Variants in FGD3 observed in about 807,000 individuals in gnomAD.
FGD3 encodes the protein FYVE, RhoGEF and PH domain-containing protein 3.
FGD3 carries 45 observed loss-of-function variants against 71.8 expected under a neutral mutation model. That is an observed-to-expected ratio of 0.63 (90% CI 0.49 to 0.80). FGD3 has a LOEUF of 0.80. Among genes scored for constraint, FGD3 ranks in the 30% least tolerant of loss-of-function variants. FGD3 has a pLI of 0.00. For missense variants in FGD3, 844 were observed against 951.5 expected, an observed-to-expected ratio of 0.89 and a Z score of 1.49; for synonymous variants, 378 against 392.8, an observed-to-expected ratio of 0.96 and a Z score of 0.44.
chr9:92,952,681 C>T (rs1341516749), intron 1 of FGD3, among the ~76,000 whole-genome samples: 2 of 151,902 alleles, frequency 1.3e-5, no homozygotes, highest in African/African-American at 4.8e-5. Flanking sequence ...TCTCTTCCTT[C>T]CTCACTCCCT....
rs1315912301 is a variant in FGD3 at position 92,976,722 on chromosome 9, T to C, written c.453+13T>C. 6.4e-7 allele frequency: 1 copy of C among 1,552,430 alleles called. No individual in the cohort carries two copies. Among genetic ancestry groups the C allele is most frequent in the African/African-American group, 1.4e-5 (1 of 73,192 alleles). On this transcript the variant is annotated intron_variant, in intron 3 of 17. Transcript: ENST00000375482. Reference sequence around the variant, plus strand: ...CGGCCTGGCCCAGGTAGGCTTCCCCTTCTCTGTCCCCGCTGCGGGCTGCAG... The same window carrying C: ...CGGCCTGGCCCAGGTAGGCTTCCCCCTCTCTGTCCCCGCTGCGGGCTGCAG...
At chr9:93,028,025 C>A (rs1327197172) in intron 14 of FGD3, among the ~76,000 whole-genome samples, 1 of 152,076 alleles carries the variant, frequency 6.6e-6, no homozygotes, top group Non-Finnish European at 1.5e-5. Flanking sequence ...GGGCCTCCTT[C>A]TCCTTAAACC....
intron 16 of FGD3, chr9:93,033,315 TCCCCGTCCCCTTCTCCTCCTC>T (rs1862436182): frequency 5.1e-6 from 1 of 196,930 alleles, no homozygotes; most frequent in Non-Finnish European, 9.5e-6. Flanking sequence ...CTCCTCCTCC[TCCCCGTCCCCTTCTCCTCCTC>T]CTCCCCGTCC....
At chr9:92,968,711 C>T (rs1859428609) in intron 1 of FGD3, among the ~76,000 whole-genome samples, 2 of 151,334 alleles carry the variant, frequency 1.3e-5, no homozygotes, top group African/African-American at 2.4e-5. Flanking sequence ...AAGCAATTCT[C>T]CTGTCTCAGC....
At chr9:93,018,895 G>T (rs1861806211) in intron 11 of FGD3, among the ~76,000 whole-genome samples, 1 of 152,026 alleles carries the variant, frequency 6.6e-6, no homozygotes. Context: ...TCCCAGGCTG[G>T]AGTGCAGTGG....
chr9:93,012,109 G>A (rs1278107391), intron 8 of FGD3, among the ~76,000 whole-genome samples: 7 of 148,498 alleles, frequency 4.7e-5, no homozygotes, highest in Admixed American at 2.0e-4. Context: ...AGCCGAGATC[G>A]CGCCACTGCA....
At chr9:93,015,444 A>G (rs893511459) in intron 9 of FGD3, among the ~76,000 whole-genome samples, 3 of 152,176 alleles carry the variant, frequency 2.0e-5, no homozygotes, top group Admixed American at 2.0e-4. Context: ...CAACGAGAGC[A>G]AGACTCCATC....
chr9:93,035,880 A>T lies in FGD3; in HGVS notation c.*291A>T, dbSNP rs1390723999. On this transcript the variant is annotated 3_prime_UTR_variant, in exon 18 of 18. Coordinates refer to ENST00000375482, the MANE Select transcript of FGD3 (RefSeq NM_001083536.2). ...CATCATCCATATGGGCCGTGTGGTG[A>T]TGCTGGCCCGGAAGGCAGAAAGAGG... 5 of 384,664 alleles carry T rather than the reference A, an allele frequency of 1.3e-5. No individual in the cohort carries two copies. Among genetic ancestry groups the T allele is most frequent in the Non-Finnish European group, 2.3e-5 (5 of 215,222 alleles). The allele number at this position is 384,664 out of a possible 1,614,324, so 23.8% of individuals were successfully genotyped here.
At position 92,969,948 on chromosome 9, in the gene FGD3, G is replaced by C. The variant is rs1859473728; in HGVS notation, c.-217-5290G>C. ...TCGTGCTACAAGGTGGCAGCCCTGAGTGTCTGGGACCTGTTCCCTGGCTGA... is the reference window on the plus strand; with the variant it reads ...TCGTGCTACAAGGTGGCAGCCCTGACTGTCTGGGACCTGTTCCCTGGCTGA... On this transcript the variant is annotated intron_variant, in intron 1 of 17. Coordinates refer to ENST00000375482, the MANE Select transcript of FGD3 (RefSeq NM_001083536.2). The surrounding 1 kb of genome is among the most constrained non-coding windows in gnomAD (Gnocchi z 4.5). Among the ~76,000 whole-genome samples the C allele has an allele frequency of 6.6e-6, 1 of 152,218 alleles. No homozygotes were observed. The highest frequency in any genetic ancestry group is 2.4e-5 in the African/African-American group (1 of 41,450).
At position 93,033,355 on chromosome 9, in the gene FGD3, TCTTCCTCTCCCTC is replaced by T. The variant is rs141368213; in HGVS notation, c.1785+497_1785+509del. The T allele has an allele frequency of 1.9e-3, 284 of 150,758 alleles. 2 individuals are homozygous for T. The highest frequency in any genetic ancestry group is 0.01 in the African/African-American group (250 of 24,758). The allele number at this position is 150,758 out of a possible 1,614,324, so 9.3% of individuals were successfully genotyped here. ...CCTCCTCCTCCCCGTCCCCTTCTCCTCTTCCTCTCCCTCCTTCCTCTCCCTCCGCCTCGCTGTC... is the reference window on the plus strand; with the variant it reads ...CCTCCTCCTCCCCGTCCCCTTCTCCTCTTCCTCTCCCTCCGCCTCGCTGTC... On this transcript the variant is annotated intron_variant, in intron 16 of 17. Coordinates refer to ENST00000375482, the MANE Select transcript of FGD3 (RefSeq NM_001083536.2).
chr9:93,013,732 T>C, intron 8 of FGD3, 120 bp from the exon 9 acceptor site: 1 of 1,257,690 alleles, frequency 8.0e-7, no homozygotes, highest in South Asian at 1.3e-5. Context: ...CCCACCCTTG[T>C]CAGTAGCTCA....
chr9:92,967,854 T>A (rs1467219130), intron 1 of FGD3, among the ~76,000 whole-genome samples: 1 of 152,240 alleles, frequency 6.6e-6, no homozygotes, highest in East Asian at 1.9e-4. Flanking sequence ...ATTACAGGCA[T>A]GAGCCACTGC....
In FGD3 at chr9:93,032,846, A is replaced by G; in HGVS notation, c.1758A>G (p.Thr586=). The G allele has an allele frequency of 2.5e-6, 4 of 1,614,028 alleles. No individual in the cohort carries two copies. Among genetic ancestry groups the G allele is most frequent in the Non-Finnish European group, 3.4e-6 (4 of 1,179,996 alleles). The change falls in exon 16 of 18, where the codon ACA becomes ACG. Residue 586 remains threonine, a synonymous_variant. Coordinates refer to ENST00000375482, the MANE Select transcript of FGD3 (RefSeq NM_001083536.2). ...GTGTCTGCAGAGATTGTTTCCTGAC[A>G]CAGCCAGTGGCCCCTGAGAGCACAG... ...QSRVCRDCFL[T]QPVAPESTEK...
chr9:93,004,191 G>A, intron 5 of FGD3, 54 bp downstream of exon 5: 1 of 1,600,312 alleles, frequency 6.2e-7, no homozygotes, highest in Non-Finnish European at 8.5e-7. Flanking sequence ...TCTAGACCAG[G>A]GTTCATGTGC....
chr9:93,001,291 GT>G lies in FGD3; in HGVS notation c.454-1631del, dbSNP rs1375164848. The stretch of plus-strand genomic sequence containing the variant: ...TTTCTCAAGCAGCTCATAGATCTGT[GT>G]TTCCTTAAGATCAGTTTTGAAGTTT... On this transcript the variant is annotated intron_variant, in intron 3 of 17. Coordinates refer to ENST00000375482, the MANE Select transcript of FGD3 (RefSeq NM_001083536.2). Among the ~76,000 whole-genome samples, 9 of 151,918 alleles carry G rather than the reference GT, an allele frequency of 5.9e-5. No homozygotes were observed. In the East Asian group the frequency reaches 1.7e-3, roughly 29 times the overall value.
rs147519762 is a variant in FGD3 at position 92,961,322 on chromosome 9, C to T, written c.-218+13593C>T. On this transcript the variant is annotated intron_variant, in intron 1 of 17. Coordinates refer to ENST00000375482, the MANE Select transcript of FGD3 (RefSeq NM_001083536.2). Reference sequence around the variant, plus strand: ...AGGCACAGGGCCTTCTCTGCAGAGCCTCTGACTCCACAAAGTTATTCAAGG... The same window carrying T: ...AGGCACAGGGCCTTCTCTGCAGAGCTTCTGACTCCACAAAGTTATTCAAGG... 3.9e-4 allele frequency among the ~76,000 whole-genome samples: 59 copies of T among 152,284 alleles called. No homozygotes were observed. The East Asian group carries it at 9.8e-3, about 25-fold the overall frequency.
Position 93,003,904 on chromosome 9 carries a change from G to A in FGD3, c.544-97G>A, listed in dbSNP as rs1860948381. The A allele has an allele frequency of 2.1e-6, 3 of 1,443,064 alleles. No homozygotes were observed. In the Admixed American group the frequency reaches 5.9e-5, roughly 28 times the overall value. The allele number at this position is 1,443,064 out of a possible 1,614,324, so 89.4% of individuals were successfully genotyped here. A position where few individuals can be genotyped will look rare whatever the true frequency, so the allele number is the denominator to read the frequency against. ...AAGAAAACACAAGGTGGCAGCAGCG[G>A]CCCCTCCCGAGCGCCCTCACCTGTG... On this transcript the variant is annotated intron_variant, in intron 4 of 17. Coordinates refer to ENST00000375482, the MANE Select transcript of FGD3 (RefSeq NM_001083536.2). The surrounding 1 kb of genome is among the most constrained non-coding windows in gnomAD (Gnocchi z 4.1).
chr9:92,950,891 A>G (rs1858942106), intron 1 of FGD3, among the ~76,000 whole-genome samples: 1 of 152,232 alleles, frequency 6.6e-6, no homozygotes, highest in Non-Finnish European at 1.5e-5. Flanking sequence ...AAATGGAGCC[A>G]GGGTCCTTGT....
Position 93,004,799 on chromosome 9 carries a change from T to C in FGD3, c.680+662T>C, listed in dbSNP as rs534896521. On this transcript the variant is annotated intron_variant, in intron 5 of 17. Transcript: ENST00000375482. ...GGCCCTTCTGTGTCCCACCAGCCCG[T>C]TCTCCAAGCTGCAACCCAGGAGACC... is the stretch of plus-strand genomic sequence containing the variant. Among the ~76,000 whole-genome samples, 440 of 152,242 alleles carry C rather than the reference T, an allele frequency of 2.9e-3. 7 individuals carry two copies. The highest frequency in any genetic ancestry group is 1.0e-2 in the African/African-American group (415 of 41,536).
Sources: gnomAD v4.1 joint callset for allele counts (sites outside exome capture counted in the v4.1 genomes callset) on GRCh38, gnomAD v4.1.1 for gene constraint, Gnocchi (gnomAD v3.1) non-coding constraint, MANE v1.5 for transcripts, NCBI Gene and HGNC (gene_info 2026-07-23, HGNC 2026-07-21) for gene names.